Variants in CTNNA3 observed in about 807,000 individuals in gnomAD.
CTNNA3 encodes the protein catenin alpha 3.
In CTNNA3, 76 loss-of-function variants were observed where a neutral mutation model predicts 95.7. The observed-to-expected ratio is 0.79, with a 90% confidence interval of 0.66 to 0.96. CTNNA3 has a LOEUF of 0.96. CTNNA3 is among the 40% of genes least tolerant of loss of function. CTNNA3 has a pLI of 0.00. For missense variants in CTNNA3, 1,191 were observed against 1,089.8 expected, an observed-to-expected ratio of 1.09 and a Z score of -1.31; for synonymous variants, 431 against 374.4, an observed-to-expected ratio of 1.15 and a Z score of -1.74.
chr10:67,039,178 T>C (rs1039558049), intron 7 of CTNNA3, among the ~76,000 whole-genome samples: 4 of 152,106 alleles, frequency 2.6e-5, no homozygotes, highest in Non-Finnish European at 5.9e-5. Context: ...TACTTAACAT[T>C]ATAACCAAAA....
chr10:66,894,730 T>C (rs754913777), intron 7 of CTNNA3, among the ~76,000 whole-genome samples: 16 of 152,088 alleles, frequency 1.1e-4, no homozygotes, highest in Middle Eastern at 6.8e-3. Context: ...ACTGATTACA[T>C]TGTAGATTTT....
intron 5 of CTNNA3, among the ~76,000 whole-genome samples, chr10:67,237,251 T>C (rs1261110457): frequency 6.7e-6 from 1 of 148,414 alleles, no homozygotes; most frequent in African/African-American, 2.5e-5. Context: ...TGAGATTGGA[T>C]ACTATTATTC....
chr10:66,034,575 C>T (rs941654419), intron 15 of CTNNA3, among the ~76,000 whole-genome samples: 1 of 152,166 alleles, frequency 6.6e-6, no homozygotes, highest in Non-Finnish European at 1.5e-5. Context: ...GCTTCTATTC[C>T]TTACCTTTAT....
chr10:66,662,447 AT>A (rs1231322844), intron 9 of CTNNA3, among the ~76,000 whole-genome samples: 1 of 152,300 alleles, frequency 6.6e-6, no homozygotes, highest in East Asian at 1.9e-4. Flanking sequence ...CCTCTTAAAT[AT>A]GCAACAACCC....
chr10:67,671,185 CT>C (rs753166784), intron 1 of CTNNA3, among the ~76,000 whole-genome samples: 7 of 152,074 alleles, frequency 4.6e-5, no homozygotes, highest in Admixed American at 1.3e-4. Context: ...AAAGCTTTTG[CT>C]TTCCCTATCA....
At chr10:67,062,820 A>C (rs1201460476) in intron 7 of CTNNA3, among the ~76,000 whole-genome samples, 2 of 152,158 alleles carry the variant, frequency 1.3e-5, no homozygotes, top group African/African-American at 4.8e-5. Context: ...AGAAAAATTA[A>C]TTTTCCTCCA....
At chr10:67,131,074 G>A (rs2132018410) in intron 7 of CTNNA3, among the ~76,000 whole-genome samples, 3 of 152,026 alleles carry the variant, frequency 2.0e-5, no homozygotes, top group Admixed American at 2.0e-4. Flanking sequence ...ATACCTCTGG[G>A]CATTATTTTT....
At chr10:66,839,025 C>T (rs1385611287) in intron 7 of CTNNA3, among the ~76,000 whole-genome samples, 1 of 62,100 alleles carries the variant, frequency 1.6e-5, no homozygotes, top group East Asian at 2.9e-4. Context: ...CCAATACATT[C>T]ATACTTATAA....
intron 11 of CTNNA3, among the ~76,000 whole-genome samples, chr10:66,482,493 T>C (rs1261439366): frequency 6.6e-6 from 1 of 152,174 alleles, no homozygotes; most frequent in Non-Finnish European, 1.5e-5. Context: ...CAGTTTATCA[T>C]TGGCCGCACT....
intron 1 of CTNNA3, among the ~76,000 whole-genome samples, chr10:67,686,675 C>T (rs1345069042): frequency 6.6e-6 from 1 of 152,176 alleles, no homozygotes; most frequent in Non-Finnish European, 1.5e-5. Context: ...ACCGCCACAA[C>T]TACCTGTAAA....
chr10:66,058,913 G>T (rs1349948356), intron 15 of CTNNA3, among the ~76,000 whole-genome samples: 2 of 152,086 alleles, frequency 1.3e-5, no homozygotes, highest in Non-Finnish European at 2.9e-5. Context: ...AAACTTTTTA[G>T]AAAGTTGTCT....
intron 7 of CTNNA3, among the ~76,000 whole-genome samples, chr10:67,040,686 C>A (rs950345592): frequency 6.6e-6 from 1 of 151,766 alleles, no homozygotes; most frequent in Non-Finnish European, 1.5e-5. Flanking sequence ...AAATTAAAAC[C>A]CCTGAGAATC....
At chr10:66,350,550 A>T (rs1193351879) in intron 12 of CTNNA3, among the ~76,000 whole-genome samples, 1 of 151,750 alleles carries the variant, frequency 6.6e-6, no homozygotes, top group Non-Finnish European at 1.5e-5. Flanking sequence ...GAAAAAAAAA[A>T]TTGGGGAAGA....
chr10:66,490,545 C>A (rs1839887030), intron 11 of CTNNA3, among the ~76,000 whole-genome samples: 1 of 152,112 alleles, frequency 6.6e-6, no homozygotes, highest in Non-Finnish European at 1.5e-5. Context: ...ACCCTATTAT[C>A]AGAGAATTTA....
chr10:66,111,727 G>A (rs764828137), intron 13 of CTNNA3, among the ~76,000 whole-genome samples: 18 of 152,166 alleles, frequency 1.2e-4, no homozygotes, highest in Non-Finnish European at 1.5e-4. Flanking sequence ...CAGAAGAGAG[G>A]AACGAGTGTA....
intron 15 of CTNNA3, among the ~76,000 whole-genome samples, chr10:66,010,556 A>G (rs547183437): frequency 1.5e-4 from 23 of 152,328 alleles, no homozygotes; most frequent in Non-Finnish European, 2.9e-4. Context: ...ATGGAAAATA[A>G]TAGCTGAAGG....
At chr10:66,736,062 T>G (rs1849125933) in intron 9 of CTNNA3, among the ~76,000 whole-genome samples, 1 of 152,124 alleles carries the variant, frequency 6.6e-6, no homozygotes, top group South Asian at 2.1e-4. Context: ...ACCTGCAGAG[T>G]GCAGTTGAGC....
chr10:66,932,265 T>C (rs1040788354), intron 7 of CTNNA3, among the ~76,000 whole-genome samples: 2 of 152,188 alleles, frequency 1.3e-5, no homozygotes, highest in Admixed American at 6.5e-5. Flanking sequence ...CAAGAGGTTT[T>C]AGGATGCTGT....
rs1589510761 is a variant in CTNNA3 at position 66,621,553 on chromosome 10, C to T, written c.1374+139G>A. 12 of 506,012 alleles carry T rather than the reference C, an allele frequency of 2.4e-5. No individual in the cohort carries two copies. In the East Asian group the frequency reaches 3.8e-4, roughly 16 times the overall value. The allele number at this position is 506,012 out of a possible 1,614,324, so 31.3% of individuals were successfully genotyped here. ...GTTGCAGTCAGTCGAGATTGCGCCA[C>T]TGCATTCCAGCCTGGGCAACAGAGC... On this transcript the variant is annotated intron_variant, in intron 10 of 17. Coordinates refer to ENST00000433211, the MANE Select transcript of CTNNA3 (RefSeq NM_013266.4).
Sources: allele counts gnomAD v4.1 joint callset (sites outside exome capture counted in the v4.1 genomes callset), GRCh38; gene constraint gnomAD v4.1.1; transcripts MANE v1.5; gene names NCBI Gene and HGNC (gene_info 2026-07-23, HGNC 2026-07-21).